CCNY: variants seen among roughly 807,000 people sequenced by gnomAD.
CCNY encodes the protein cyclin-Y.
A neutral mutation model predicts 42.8 loss-of-function variants in CCNY; 19 were observed. The observed-to-expected ratio is 0.44, with a 90% CI of 0.31 to 0.65. The LOEUF (loss-of-function observed/expected upper bound fraction) is 0.65, where lower values mean the gene tolerates loss of function less well. CCNY is among the 30% of genes least tolerant of loss of function. CCNY has a pLI of 0.07. For missense variants in CCNY, 370 were observed against 437.3 expected, an observed-to-expected ratio of 0.85 and a Z score of 1.37; for synonymous variants, 165 against 162.7, an observed-to-expected ratio of 1.01 and a Z score of -0.11.
chr10:35,298,950 T>C (rs553928708), intron 3 of CCNY, among the ~76,000 whole-genome samples: 10 of 152,354 alleles, frequency 6.6e-5, no homozygotes, highest in African/African-American at 2.4e-4. Flanking sequence ...ATGTTTTGTA[T>C]GAGCATATGT....
chr10:35,408,895 A>ATAAATGC (rs1837842027), intron 1 of CCNY, among the ~76,000 whole-genome samples: 1 of 152,124 alleles, frequency 6.6e-6, no homozygotes. Context: ...TTATTTCATC[A>ATAAATGC]TAAATGCCTC....
chr10:35,392,984 G>A (rs1292255148), intron 1 of CCNY, among the ~76,000 whole-genome samples: 1 of 151,840 alleles, frequency 6.6e-6, no homozygotes, highest in African/African-American at 2.4e-5. Flanking sequence ...CTCCTCCCCC[G>A]GCCTACGTTC....
upstream of CCNY, among the ~76,000 whole-genome samples, chr10:35,335,296 GT>G (rs1469497944): frequency 6.6e-6 from 1 of 152,078 alleles, no homozygotes; most frequent in Non-Finnish European, 1.5e-5. Flanking sequence ...AAGTTAACTT[GT>G]TCCCAACATG....
rs369282328 is a variant in CCNY at position 35,387,275 on chromosome 10, T to C, written c.154+50068T>C. On this transcript the variant is annotated intron_variant, in intron 1 of 9. Transcript: ENST00000374704. ...ATAGTCCTTTTCCTCCTCAGGATGCTGAGTTCCTTCCCCATGTAGCTTGCT... is the reference window on the plus strand; with the variant it reads ...ATAGTCCTTTTCCTCCTCAGGATGCCGAGTTCCTTCCCCATGTAGCTTGCT... 1.5e-3 allele frequency among the ~76,000 whole-genome samples: 224 copies of C among 152,352 alleles called. 6 individuals are homozygous for C. The South Asian group carries it at 0.033, about 22-fold the overall frequency.
intron 3 of CCNY, among the ~76,000 whole-genome samples, chr10:35,255,966 A>T (rs1441154693): frequency 2.0e-5 from 3 of 152,174 alleles, no homozygotes; most frequent in Non-Finnish European, 4.4e-5. Flanking sequence ...TGTCAATTGT[A>T]ACTTTAAAAA....
intron 7 of CCNY, among the ~76,000 whole-genome samples, chr10:35,539,885 GCTAGA>G (rs1369040029): frequency 1.3e-5 from 2 of 152,126 alleles, no homozygotes; most frequent in Admixed American, 6.5e-5. Flanking sequence ...GTGGTTTATT[GCTAGA>G]CTATAGAAAT....
At chr10:35,365,626 T>C (rs1007104918) in intron 1 of CCNY, among the ~76,000 whole-genome samples, 2 of 152,222 alleles carry the variant, frequency 1.3e-5, no homozygotes, top group African/African-American at 4.8e-5. Context: ...AATCTTTGTA[T>C]GCTTAGAAAC....
At chr10:35,323,742 G>T (rs952998697) in intron 3 of CCNY, among the ~76,000 whole-genome samples, 4 of 151,868 alleles carry the variant, frequency 2.6e-5, no homozygotes, top group Admixed American at 2.6e-4. Flanking sequence ...ACTGTGGCCT[G>T]GCGTGGTGGC....
chr10:35,250,340 G>A (rs1370356166), intron 2 of CCNY, among the ~76,000 whole-genome samples: 1 of 152,110 alleles, frequency 6.6e-6, no homozygotes, highest in East Asian at 1.9e-4. Context: ...ACTCCAGCCT[G>A]GGCAATAGAA....
At chr10:35,558,554 C>A (rs1841405502) in intron 8 of CCNY, among the ~76,000 whole-genome samples, 1 of 152,174 alleles carries the variant, frequency 6.6e-6, no homozygotes, top group Non-Finnish European at 1.5e-5. Context: ...GAAGTCCTAA[C>A]CCCCAGACCC....
At chr10:35,558,009 A>G (rs181122758) in intron 8 of CCNY, among the ~76,000 whole-genome samples, 7 of 152,322 alleles carry the variant, frequency 4.6e-5, no homozygotes, top group Admixed American at 4.6e-4. Context: ...GTGTCACTCA[A>G]GTCTTAAAAC....
chr10:35,504,315 G>T (rs1194855974), intron 3 of CCNY, among the ~76,000 whole-genome samples: 1 of 152,170 alleles, frequency 6.6e-6, no homozygotes, highest in African/African-American at 2.4e-5. Context: ...ACACACATAA[G>T]CAAGTGAAAA....
At chr10:35,371,629 C>T (rs1836939336) in intron 1 of CCNY, among the ~76,000 whole-genome samples, 1 of 152,148 alleles carries the variant, frequency 6.6e-6, no homozygotes, top group South Asian at 2.1e-4. Context: ...CGTGAGGCCT[C>T]AGCTTGGGAG....
chr10:35,286,362 C>CT lies in CCNY; in HGVS notation c.-9+35750dup, dbSNP rs546422909. On this transcript the variant is annotated intron_variant, in intron 3 of 11. Transcript: ENST00000374706. ...TACTAAGAATTAGTATTTTACCATA[C>CT]TTTTTTTTTTTTTTGAGATGGAGTC... 2.7e-3 allele frequency among the ~76,000 whole-genome samples: 378 copies of CT among 141,764 alleles called. 1 individual carries two copies. The highest frequency in any genetic ancestry group is 4.0e-3 in the African/African-American group (154 of 38,984). The allele number at this position is 141,764 out of a possible 152,430, so 93.0% of individuals were successfully genotyped here. A position where few individuals can be genotyped will look rare whatever the true frequency, so the allele number is the denominator to read the frequency against.
At chr10:35,297,784 C>A (rs1020498780) in intron 3 of CCNY, among the ~76,000 whole-genome samples, 3 of 152,002 alleles carry the variant, frequency 2.0e-5, no homozygotes, top group Non-Finnish European at 2.9e-5. Flanking sequence ...AGCTAACCAG[C>A]GAGGTGAAAG....
intron 1 of CCNY, among the ~76,000 whole-genome samples, chr10:35,416,889 G>T (rs1838036220): frequency 6.6e-6 from 1 of 152,196 alleles, no homozygotes; most frequent in Non-Finnish European, 1.5e-5. Flanking sequence ...GGAAACCAGG[G>T]AAGAGAAAGC....
chr10:35,419,212 C>G (rs1214380541), intron 1 of CCNY, among the ~76,000 whole-genome samples: 2 of 152,220 alleles, frequency 1.3e-5, no homozygotes, highest in African/African-American at 4.8e-5. Flanking sequence ...AATTGTATTA[C>G]TATTATTTGG....
intron 1 of CCNY, among the ~76,000 whole-genome samples, chr10:35,345,818 A>G (rs1392479880): frequency 6.6e-6 from 1 of 152,206 alleles, no homozygotes; most frequent in Non-Finnish European, 1.5e-5. Flanking sequence ...TGCTGGCTGT[A>G]GAATTTGGAA....
Position 35,516,612 on chromosome 10 carries a change from T to G in CCNY, c.354T>G (p.Tyr118Ter), listed in dbSNP as rs1840431073. ...DSTVSQPNLK[Y>*]TIKCVALAIY... is the part of the protein sequence containing the mutation. ...CAGTCAGTCAACCAAACCTCAAGTA[T>G]ACAATTAAATGGTGGGTATATGGAT... Residue 118 changes from tyrosine (Y) to a stop codon, truncating the protein, a stop_gained, in exon 4 of 10, where the codon TAT becomes TAG. Coordinates refer to ENST00000374704, the MANE Select transcript of CCNY (RefSeq NM_145012.6). LOFTEE classifies it high-confidence loss of function. The G allele has an allele frequency of 6.3e-7, 1 of 1,581,762 alleles. No individual in the cohort carries two copies. Among genetic ancestry groups the G allele is most frequent in the East Asian group, 2.3e-5 (1 of 44,202 alleles).
Sources: allele counts gnomAD v4.1 joint callset (sites outside exome capture counted in the v4.1 genomes callset), GRCh38; gene constraint gnomAD v4.1.1; transcripts MANE v1.5; gene names NCBI Gene and HGNC (gene_info 2026-07-23, HGNC 2026-07-21).